Variants in MROH2B observed in about 807,000 individuals in gnomAD.
MROH2B encodes maestro heat-like repeat-containing protein family member 2B.
A neutral mutation model predicts 208.6 loss-of-function variants in MROH2B; 177 were observed. The ratio of observed to expected loss-of-function variants is 0.85; its 90% CI spans 0.75 to 0.96. The LOEUF is 0.96. Among genes scored for constraint, MROH2B ranks in the 40% least tolerant of loss-of-function variants. MROH2B has a pLI of 0.00. For missense variants in MROH2B, 2,002 were observed against 1,878.7 expected (o/e 1.07, Z -1.21); for synonymous variants, 728 against 659.0 (o/e 1.10, Z -1.60).
At chr5:41,049,591 C>G (rs1011366465) in intron 13 of MROH2B, among the ~76,000 whole-genome samples, 155 bp from the exon 14 acceptor site, 1 of 152,196 alleles carries the variant, frequency 6.6e-6, no homozygotes, top group Non-Finnish European at 1.5e-5. Context: ...AAGGAAGCCT[C>G]TGCACAGCAC....
chr5:41,048,790 G>A (rs1311325866), intron 15 of MROH2B, among the ~76,000 whole-genome samples: 1 of 152,060 alleles, frequency 6.6e-6, no homozygotes, highest in Admixed American at 6.6e-5. Context: ...CATCCATATG[G>A]GGCCAAAGAG....
chr5:41,050,596 A>G (rs1743255043), intron 13 of MROH2B, among the ~76,000 whole-genome samples: 1 of 152,164 alleles, frequency 6.6e-6, no homozygotes, highest in East Asian at 1.9e-4. Context: ...GTTTCAAATG[A>G]TCAGGTCTCC....
chr5:41,019,664 A>G (rs1742079614), intron 24 of MROH2B, among the ~76,000 whole-genome samples: 1 of 152,238 alleles, frequency 6.6e-6, no homozygotes, highest in Admixed American at 6.5e-5. Flanking sequence ...GTAAGTTAAG[A>G]CAATAAGATA....
intron 32 of MROH2B, among the ~76,000 whole-genome samples, 170 bp from the exon 33 acceptor site, chr5:41,008,963 C>T (rs897046836): frequency 3.9e-5 from 6 of 152,158 alleles, no homozygotes; most frequent in Non-Finnish European, 8.8e-5. Flanking sequence ...AGTCCTGTGA[C>T]TGCCAGGGGA....
intron 17 of MROH2B, among the ~76,000 whole-genome samples, chr5:41,046,754 G>C (rs1024205871): frequency 5.3e-5 from 8 of 152,136 alleles, no homozygotes; most frequent in African/African-American, 1.9e-4. Flanking sequence ...AGTAAAGACA[G>C]TTATTTTAAA....
intron 24 of MROH2B, among the ~76,000 whole-genome samples, chr5:41,027,384 G>T (rs900773333): frequency 6.6e-6 from 1 of 152,168 alleles, no homozygotes; most frequent in African/African-American, 2.4e-5. Flanking sequence ...CAAAGGATAT[G>T]AACAGACACT....
In MROH2B at chr5:40,998,159, C is replaced by T. The variant is rs111906143; in HGVS notation, c.4652-1G>A. 2,536 of 1,607,188 alleles carry T rather than the reference C, an allele frequency of 1.6e-3. 3 individuals carry two copies. The highest frequency in any genetic ancestry group is 2.0e-3 in the Non-Finnish European group (2,312 of 1,175,408). The stretch of plus-strand genomic sequence containing the variant: ...GGATCTTGACGAAGTGCTTGGAGTC[C>T]TGAAATGGCAAGAATAGCAAATAAG... On this transcript the variant is annotated splice_acceptor_variant, in intron 41 of 41. Coordinates refer to ENST00000399564, the MANE Select transcript of MROH2B (RefSeq NM_173489.5). LOFTEE classifies it high-confidence loss of function.
At chr5:41,025,533 G>A (rs1579924117) in intron 24 of MROH2B, among the ~76,000 whole-genome samples, 1 of 152,240 alleles carries the variant, frequency 6.6e-6, no homozygotes, top group East Asian at 1.9e-4. Flanking sequence ...TGAAATTGAA[G>A]CAATAATTAA....
intron 29 of MROH2B, among the ~76,000 whole-genome samples, 173 bp from the exon 30 acceptor site, chr5:41,012,908 C>T (rs1163253631): frequency 6.6e-6 from 1 of 152,136 alleles, no homozygotes; most frequent in African/African-American, 2.4e-5. Context: ...TAGACATGAC[C>T]TTTTATTACT....
At chr5:40,998,795 A>C in intron 40 of MROH2B, 118 bp from the exon 41 acceptor site, 1 of 771,252 alleles carries the variant, frequency 1.3e-6, no homozygotes, top group Non-Finnish European at 2.1e-6. Context: ...GTGAATGAGC[A>C]AACTATATGA....
intron 30 of MROH2B, 46 bp from the exon 31 acceptor site, chr5:41,010,125 T>C: frequency 6.3e-7 from 1 of 1,593,760 alleles, no homozygotes; most frequent in Non-Finnish European, 8.6e-7. Flanking sequence ...CCATTTTCCC[T>C]CTATGTGAAT....
chr5:41,026,517 C>T (rs1742365153), intron 24 of MROH2B, among the ~76,000 whole-genome samples: 1 of 152,160 alleles, frequency 6.6e-6, no homozygotes, highest in South Asian at 2.1e-4. Context: ...CTACAAACCA[C>T]TGCTCAATGA....
In MROH2B at chr5:41,018,411, A is replaced by G. The variant is rs1199013913; in HGVS notation, c.2693T>C (p.Val898Ala). The G allele has an allele frequency of 6.2e-7, 1 of 1,612,970 alleles. No individual in the cohort carries two copies. Among genetic ancestry groups the G allele is most frequent in the Middle Eastern group, 1.7e-4 (1 of 6,060 alleles). ...EMFNLLQMWL[V>A]SQKEWERERA... ...TTCTCTTTCCCACTCTTTTTGTGAAACAAGCCACATTTGGAGAAGCTGTTG... is the reference window on the plus strand; with the variant it reads ...TTCTCTTTCCCACTCTTTTTGTGAAGCAAGCCACATTTGGAGAAGCTGTTG... Residue 898 changes from valine to alanine, a missense_variant, in exon 27 of 42, where the codon GTT becomes GCT. Physicochemically the swap from Val to Ala is moderately conservative, Grantham distance 64. Transcript: ENST00000399564.
At chr5:41,058,029 C>T in intron 7 of MROH2B, 34 bp downstream of exon 7, 2 of 1,463,144 alleles carry the variant, frequency 1.4e-6, no homozygotes, top group Non-Finnish European at 1.8e-6. Flanking sequence ...CATGCGGGTT[C>T]TCTGATTCAG....
Position 41,018,792 on chromosome 5 carries a change from A to G in MROH2B, c.2578-6T>C, listed in dbSNP as rs753006332. 10 of 1,613,844 alleles carry G rather than the reference A, an allele frequency of 6.2e-6. No individual in the cohort carries two copies. The highest frequency in any genetic ancestry group is 8.5e-6 in the Non-Finnish European group (10 of 1,179,836). On this transcript the variant is annotated splice_polypyrimidine_tract_variant and splice_region_variant and intron_variant, in intron 25 of 41. Coordinates refer to ENST00000399564, the MANE Select transcript of MROH2B (RefSeq NM_173489.5). ...ATGGATCGTTCATAGAGAAACTGAAATCAAATATGTGTGTGTGAGTCTCAG... is the reference window on the plus strand; with the variant it reads ...ATGGATCGTTCATAGAGAAACTGAAGTCAAATATGTGTGTGTGAGTCTCAG...
chr5:41,040,993 C>T (rs1742930276), intron 19 of MROH2B, among the ~76,000 whole-genome samples: 1 of 151,978 alleles, frequency 6.6e-6, no homozygotes. Context: ...TTTGTGAAAC[C>T]CTCAGACCTT....
At chr5:41,035,826 C>CAAAACA (rs1554049517) in intron 21 of MROH2B, among the ~76,000 whole-genome samples, 2 of 151,338 alleles carry the variant, frequency 1.3e-5, no homozygotes, top group African/African-American at 4.9e-5. Context: ...CAAAACAAAA[C>CAAAACA]AAAAAAACAA....
At chr5:41,006,358 C>A (rs1365791565) in intron 34 of MROH2B, among the ~76,000 whole-genome samples, 1 of 151,752 alleles carries the variant, frequency 6.6e-6, no homozygotes, top group Non-Finnish European at 1.5e-5. Context: ...GCATGGATGC[C>A]GTGAAAAGAG....
At chr5:41,046,447 T>C (rs539785988) in intron 17 of MROH2B, among the ~76,000 whole-genome samples, 15 of 152,178 alleles carry the variant, frequency 9.9e-5, no homozygotes, top group Non-Finnish European at 1.9e-4. Context: ...AAGTGTTTTT[T>C]TTTTCTTTTG....
Sources: allele counts gnomAD v4.1 joint callset (sites outside exome capture counted in the v4.1 genomes callset), GRCh38; gene constraint gnomAD v4.1.1; transcripts MANE v1.5; gene names NCBI Gene and HGNC (gene_info 2026-07-23, HGNC 2026-07-21).